Variants in ACTN1 observed in about 807,000 individuals in gnomAD.
ACTN1 encodes actinin alpha 1, also known as alpha-actinin-1.
Under a neutral mutation model 119.6 loss-of-function variants are expected in ACTN1, and 30 were observed. The observed-to-expected ratio is 0.25, with a 90% CI of 0.19 to 0.34. The LOEUF is 0.34. Among genes scored for constraint, ACTN1 ranks in the 10% least tolerant of loss-of-function variants. The pLI, the probability that ACTN1 is intolerant of heterozygous loss-of-function variation, is 1.00. For synonymous variants in ACTN1, 429 were observed against 472.6 expected (o/e 0.91, Z 1.20); for missense variants, 764 against 1,223.4 (o/e 0.62, Z 5.60).
chr14:68,883,112 T>G (rs570942124), intron 14 of ACTN1, 57 bp from the exon 15 acceptor site: 80 of 1,565,830 alleles, frequency 5.1e-5, no homozygotes, highest in Admixed American at 1.0e-4. Context: ...TAGAAGTGAG[T>G]GGAAGGGCCA....
At chr14:68,886,150 A>G (rs1419120411) in intron 11 of ACTN1, 2 of 152,386 alleles carry the variant, frequency 1.3e-5, no homozygotes, top group African/African-American at 2.4e-5. Flanking sequence ...AGCAGGAACA[A>G]GAAATGACCT....
rs977679829 is a variant in ACTN1, at chr14:68,890,254, C to G, written c.1119G>C (p.Gln373His). The G allele has an allele frequency of 4.3e-6, 7 of 1,614,236 alleles. No homozygotes were observed. Among genetic ancestry groups the G allele is most frequent in the Non-Finnish European group, 5.9e-6 (7 of 1,180,050 alleles). The stretch of plus-strand genomic sequence containing the variant: ...ACCACTCCTCATAGCCCTTCTCCAC[C>G]TGCTCCAGGCAGCCCCAGGCATTGT... ...DINNAWGCLE[Q>H]VEKGYEEWLL... Residue 373 changes from glutamine (Q) to histidine (H), a missense_variant, in exon 11 of 22, where the codon CAG (glutamine) becomes CAC (histidine). Transcript: ENST00000394419.
chr14:68,908,150 C>T (rs1474259582), intron 6 of ACTN1, among the ~76,000 whole-genome samples: 1 of 143,222 alleles, frequency 7.0e-6, no homozygotes, highest in East Asian at 2.0e-4. Flanking sequence ...GCAGAGGCCT[C>T]AGCCTCAAGC....
chr14:68,943,355 G>T (rs2035828223), intron 1 of ACTN1, among the ~76,000 whole-genome samples: 1 of 152,208 alleles, frequency 6.6e-6, no homozygotes, highest in Admixed American at 6.5e-5. Flanking sequence ...GGGACCTCTG[G>T]GTAGTGCAGG....
At chr14:68,884,738 C>T (rs762153035) in intron 13 of ACTN1, 37 bp downstream of exon 13, 15 of 1,547,474 alleles carry the variant, frequency 9.7e-6, no homozygotes, top group Admixed American at 3.3e-5. Flanking sequence ...ACAGGGCTGC[C>T]GGATATGGGC....
At chr14:68,876,020 G>A (rs962768283) in intron 21 of ACTN1, among the ~76,000 whole-genome samples, 4 of 151,770 alleles carry the variant, frequency 2.6e-5, no homozygotes, top group African/African-American at 4.8e-5. Context: ...TTTTTAAGAC[G>A]GAGTCTCACT....
chr14:68,967,441 G>A (rs1282581127), intron 1 of ACTN1, among the ~76,000 whole-genome samples: 6 of 152,312 alleles, frequency 3.9e-5, no homozygotes, highest in African/African-American at 1.2e-4. Flanking sequence ...TCATCAGGGA[G>A]CTCCTGAAAG....
At chr14:68,951,146 G>T (rs1410617834) in intron 1 of ACTN1, among the ~76,000 whole-genome samples, 1 of 152,184 alleles carries the variant, frequency 6.6e-6, no homozygotes, top group East Asian at 1.9e-4. Context: ...CGCCACCCAT[G>T]GCCAGAGGCA....
At chr14:68,958,206 G>A (rs575171810) in intron 1 of ACTN1, among the ~76,000 whole-genome samples, 19 of 152,332 alleles carry the variant, frequency 1.2e-4, no homozygotes, top group African/African-American at 4.3e-4. Flanking sequence ...CAGATTAATA[G>A]GTTAACAGGG....
chr14:68,948,871 C>T (rs960085210), intron 1 of ACTN1, among the ~76,000 whole-genome samples: 3 of 152,202 alleles, frequency 2.0e-5, no homozygotes, highest in Non-Finnish European at 4.4e-5. Flanking sequence ...CTGAGGCGCA[C>T]GGGGCACCCA....
intron 1 of ACTN1, among the ~76,000 whole-genome samples, chr14:68,954,661 A>G (rs7146225): frequency 0.29 from 44,371 of 151,990 alleles, 6,842 homozygotes; most frequent in African/African-American, 0.36. Flanking sequence ...TCTTTCTTTC[A>G]GCTGGACAGT....
At chr14:68,895,555 G>A (rs1438120168) in intron 8 of ACTN1, among the ~76,000 whole-genome samples, 1 of 152,124 alleles carries the variant, frequency 6.6e-6, no homozygotes, top group Non-Finnish European at 1.5e-5. Flanking sequence ...AGAGACCCGC[G>A]TGTCCTCCTC....
At chr14:68,972,950 A>G (rs2036938087) in intron 1 of ACTN1, among the ~76,000 whole-genome samples, 1 of 152,140 alleles carries the variant, frequency 6.6e-6, no homozygotes, top group East Asian at 1.9e-4. Flanking sequence ...TGAGAAAAGG[A>G]ATCTTGTTAA....
intron 8 of ACTN1, among the ~76,000 whole-genome samples, chr14:68,899,359 A>T (rs1340991629): frequency 1.6e-4 from 22 of 138,110 alleles, no homozygotes; most frequent in Admixed American, 1.6e-3. Context: ...CACCACACAC[A>T]CCAGTCCCCA....
intron 1 of ACTN1, among the ~76,000 whole-genome samples, chr14:68,959,130 C>T (rs1047390202): frequency 1.3e-5 from 2 of 152,218 alleles, no homozygotes; most frequent in Non-Finnish European, 2.9e-5. Flanking sequence ...CAGGAGTCCA[C>T]ACAGCCTGCT....
chr14:68,972,952 T>A (rs187975136), intron 1 of ACTN1, among the ~76,000 whole-genome samples: 9 of 152,186 alleles, frequency 5.9e-5, no homozygotes, highest in Admixed American at 6.5e-5. Flanking sequence ...AGAAAAGGAA[T>A]CTTGTTAACT....
At chr14:68,973,528 G>A (rs1005658921) in intron 1 of ACTN1, among the ~76,000 whole-genome samples, 12 of 152,218 alleles carry the variant, frequency 7.9e-5, no homozygotes, top group African/African-American at 2.9e-4. Context: ...ATGCTGAACT[G>A]TGAGTCAATT....
At chr14:68,967,278 C>G (rs7149487) in intron 1 of ACTN1, among the ~76,000 whole-genome samples, 38,313 of 152,154 alleles carry the variant, frequency 0.25, 5,292 homozygotes, top group African/African-American at 0.34. Context: ...AGGCCCTCAG[C>G]ATCTGTCAGT....
intron 1 of ACTN1, among the ~76,000 whole-genome samples, chr14:68,927,011 C>G (rs187473635): frequency 7.9e-5 from 12 of 152,276 alleles, no homozygotes; most frequent in African/African-American, 2.6e-4. Context: ...AATCATGTCT[C>G]ACTAGTAACT....
Sources: gnomAD v4.1 joint callset for allele counts (sites outside exome capture counted in the v4.1 genomes callset) on GRCh38, gnomAD v4.1.1 for gene constraint, MANE v1.5 for transcripts, NCBI Gene and HGNC (gene_info 2026-07-23, HGNC 2026-07-21) for gene names.